The following ANGEL1 variants were observed in gnomAD, a reference collection of about 807,000 sequenced individuals.
ANGEL1 encodes RNA 2',3'-cyclic phosphatase ANGEL1.
In ANGEL1, 62 loss-of-function variants were observed where a neutral mutation model predicts 76.4. That is an observed-to-expected ratio of 0.81 (90% CI 0.66 to 1.00). The LOEUF (loss-of-function observed/expected upper bound fraction) is 1.00. ANGEL1 is among the 50% of genes least tolerant of loss of function. The pLI is 0.00. For synonymous variants in ANGEL1, 340 were observed against 331.7 expected (o/e 1.03, Z -0.27); for missense variants, 737 against 836.7 (o/e 0.88, Z 1.47).
chr14:76,803,842 G>A lies in ANGEL1; in HGVS notation c.1451C>T (p.Ser484Phe), dbSNP rs766920310. 11 of 1,614,208 alleles carry A rather than the reference G, an allele frequency of 6.8e-6. No homozygotes were observed. In the Admixed American group the frequency reaches 1.2e-4, roughly 17 times the overall value. ...RKLQAPLWPS[S>F]LGITDCCQYV... ...CTGACAGCAATCAGTGATGCCCAGG[G>A]AGCTGGGCCACAGTGGGGCCTGCAG... Residue 484 changes from serine (S) to phenylalanine (F), a missense_variant, in exon 6 of 10, where the codon TCC (serine) becomes TTC (phenylalanine). Ser to Phe is a radical substitution (Grantham distance 155, BLOSUM62 -2). This residue lies in a region of ANGEL1 where 296 missense variants were observed against 387.2 expected (regional missense o/e 0.76). Coordinates refer to ENST00000251089, the MANE Select transcript of ANGEL1 (RefSeq NM_015305.4).
intron 5 of ANGEL1, chr14:76,804,207 C>T: frequency 7.1e-7 from 1 of 1,409,132 alleles, no homozygotes; most frequent in Non-Finnish European, 9.2e-7. Flanking sequence ...TCTGAAAAAT[C>T]AATACAATTC....
intron 7 of ANGEL1, among the ~76,000 whole-genome samples, chr14:76,802,150 GAC>G (rs917890232): frequency 9.2e-5 from 14 of 151,880 alleles, no homozygotes; most frequent in Non-Finnish European, 1.6e-4. Context: ...CCAGCCTGGT[GAC>G]AGAGTGAGAC....
Position 76,789,213 on chromosome 14 carries a change from C to T in ANGEL1, c.*15G>A. On this transcript the variant is annotated 3_prime_UTR_variant, in exon 10 of 10. Transcript: ENST00000251089. Reference sequence around the variant, plus strand: ...GCTCTTCTGGAAGAGAAGCTCTCTTCCCCTGGGAGCCCTGTCATGGGGCGG... The same window carrying T: ...GCTCTTCTGGAAGAGAAGCTCTCTTTCCCTGGGAGCCCTGTCATGGGGCGG... 2 of 1,613,730 alleles carry T rather than the reference C, an allele frequency of 1.2e-6. No individual in the cohort carries two copies. The highest frequency in any genetic ancestry group is 2.2e-5 in the South Asian group (2 of 91,028).
At position 76,789,223 on chromosome 14, in the gene ANGEL1, C is replaced by A. The variant is rs377528685; in HGVS notation, c.*5G>T. The A allele has an allele frequency of 1.2e-6, 2 of 1,613,896 alleles. No individual in the cohort carries two copies. Among genetic ancestry groups the A allele is most frequent in the African/African-American group, 1.3e-5 (1 of 74,946 alleles). ...AAGAGAAGCTCTCTTCCCCTGGGAGCCCTGTCATGGGGCGGTGACTTCCAT... is the reference window on the plus strand; with the variant it reads ...AAGAGAAGCTCTCTTCCCCTGGGAGACCTGTCATGGGGCGGTGACTTCCAT... On this transcript the variant is annotated 3_prime_UTR_variant, in exon 10 of 10. Coordinates refer to ENST00000251089, the MANE Select transcript of ANGEL1 (RefSeq NM_015305.4).
At position 76,806,404 on chromosome 14, in the gene ANGEL1, CT is replaced by C; in HGVS notation, c.1380+11del. The C allele has an allele frequency of 1.2e-6, 2 of 1,606,014 alleles. No individual in the cohort carries two copies. Among genetic ancestry groups the C allele is most frequent in the Non-Finnish European group, 1.7e-6 (2 of 1,174,336 alleles). Reference sequence around the variant, plus strand: ...CATGTTCCCACCCACACCGTGGCCTCTCCCATTTCACCTTCCAGGCTGGCAT... The same window carrying C: ...CATGTTCCCACCCACACCGTGGCCTCCCCATTTCACCTTCCAGGCTGGCAT... On this transcript the variant is annotated intron_variant, in intron 5 of 9. Transcript: ENST00000251089.
At chr14:76,791,243 CTT>C in intron 8 of ANGEL1, 52 bp downstream of exon 8, 1 of 1,594,920 alleles carries the variant, frequency 6.3e-7, no homozygotes, top group Non-Finnish European at 8.6e-7. Flanking sequence ...GAATCTCTCT[CTT>C]ACACCTAGGC....
intron 7 of ANGEL1, among the ~76,000 whole-genome samples, chr14:76,794,035 G>A (rs1894499703): frequency 6.6e-6 from 1 of 152,140 alleles, no homozygotes; most frequent in Non-Finnish European, 1.5e-5. Flanking sequence ...AACCAAGACA[G>A]TGTGGTTCTG....
intron 7 of ANGEL1, among the ~76,000 whole-genome samples, chr14:76,799,330 G>GTCGCCC (rs150802707): frequency 0.19 from 21,607 of 111,824 alleles, 2,344 homozygotes; most frequent in South Asian, 0.32. Flanking sequence ...GTCTTGCTCT[G>GTCGCCC]TCGCCCAGGC....
At chr14:76,803,970 G>T in intron 5 of ANGEL1, 58 bp from the exon 6 acceptor site, 1 of 1,613,914 alleles carries the variant, frequency 6.2e-7, no homozygotes, top group Non-Finnish European at 8.5e-7. Flanking sequence ...GGAAGTAACA[G>T]CCCATGTTTT....
At chr14:76,809,818 G>A (rs1343961255) in intron 1 of ANGEL1, among the ~76,000 whole-genome samples, 175 bp from the exon 2 acceptor site, 4 of 152,198 alleles carry the variant, frequency 2.6e-5, no homozygotes, top group African/African-American at 7.2e-5. Flanking sequence ...TCAGGGCAAA[G>A]TATTCACTAT....
Position 76,800,993 on chromosome 14 carries a change from G to A in ANGEL1, c.1618+2378C>T, listed in dbSNP as rs116029807. ...GTCTCAAAAAAAAAAAAAAGTCTGA[G>A]GTCAACCTCATCACCGTTAGGCTTC... On this transcript the variant is annotated intron_variant, in intron 7 of 9. Transcript: ENST00000251089. 1.8e-3 allele frequency among the ~76,000 whole-genome samples: 279 copies of A among 151,912 alleles called. 2 individuals carry two copies. The highest frequency in any genetic ancestry group is 6.6e-3 in the African/African-American group (272 of 41,430).
chr14:76,788,991 A>C lies in ANGEL1; in HGVS notation c.*237T>G, dbSNP rs1379179715. ...GGGGAGCCCCCCTTCTGCCTCTCCC[A>C]GGGCCACTGAGTGTGTGGCACAGGA... is the stretch of plus-strand genomic sequence containing the variant. On this transcript the variant is annotated 3_prime_UTR_variant, in exon 10 of 10. Transcript: ENST00000251089. 4.1e-6 allele frequency: 2 copies of C among 489,506 alleles called. No homozygotes were observed. Among genetic ancestry groups the C allele is most frequent in the African/African-American group, 3.9e-5 (2 of 50,962 alleles). The allele number at this position is 489,506 out of a possible 1,614,324, so 30.3% of individuals were successfully genotyped here. A position where few individuals can be genotyped will look rare whatever the true frequency, so the allele number is the denominator to read the frequency against.
intron 7 of ANGEL1, among the ~76,000 whole-genome samples, chr14:76,793,444 G>T (rs1894480028): frequency 9.2e-6 from 1 of 108,286 alleles, no homozygotes. Flanking sequence ...AGGAGGAGGG[G>T]AGGAGAAGGA....
rs1595307466 is a variant in ANGEL1, at chr14:76,806,997, G to C, written c.947-148C>G. 2.1e-5 allele frequency: 19 copies of C among 919,856 alleles called. No homozygotes were observed. The East Asian group carries it at 4.8e-4, about 23-fold the overall frequency. The allele number at this position is 919,856 out of a possible 1,614,324, so 57.0% of individuals were successfully genotyped here. ...CCTTTGCCACTTCCTTGGTTCAGCA[G>C]GTTCCCCCTTACATCGTAACCAGCT... On this transcript the variant is annotated intron_variant, in intron 4 of 9. Transcript: ENST00000251089.
intron 1 of ANGEL1, among the ~76,000 whole-genome samples, chr14:76,811,520 GGGGGGC>G (rs138045761): frequency 0.47 from 59,514 of 127,698 alleles, 14,065 homozygotes; most frequent in South Asian, 0.53. Context: ...TGTGTAGGTG[GGGGGGC>G]GGGGGGGGCC....
At chr14:76,794,346 C>T (rs1375023957) in intron 7 of ANGEL1, among the ~76,000 whole-genome samples, 2 of 152,042 alleles carry the variant, frequency 1.3e-5, no homozygotes, top group East Asian at 1.9e-4. Context: ...AACAACTTCA[C>T]GCCAATATAT....
At chr14:76,801,769 C>G (rs1894771941) in intron 7 of ANGEL1, among the ~76,000 whole-genome samples, 1 of 152,098 alleles carries the variant, frequency 6.6e-6, no homozygotes, top group Admixed American at 6.5e-5. Context: ...TTTCTGAGCT[C>G]TGCAGCTTAC....
chr14:76,798,896 A>C (rs536121777), intron 7 of ANGEL1, among the ~76,000 whole-genome samples: 1 of 151,614 alleles, frequency 6.6e-6, no homozygotes, highest in Admixed American at 6.6e-5. Context: ...GCAGTAAGCC[A>C]AGACTGTGTC....
intron 7 of ANGEL1, among the ~76,000 whole-genome samples, chr14:76,799,295 T>C (rs903294774): frequency 7.1e-4 from 82 of 114,986 alleles, no homozygotes; most frequent in African/African-American, 2.4e-3. Context: ...TTTTTTTTTT[T>C]TTTTTTTTTT....
Sources: allele counts gnomAD v4.1 joint callset (sites outside exome capture counted in the v4.1 genomes callset), GRCh38; gene constraint gnomAD v4.1.1; regional missense constraint gnomAD v4.1.1; transcripts MANE v1.5; gene names NCBI Gene and HGNC (gene_info 2026-07-23, HGNC 2026-07-21).